SEMA6D: variants seen among roughly 807,000 people sequenced by gnomAD.
SEMA6D encodes the protein semaphorin-6D.
In SEMA6D, 35 loss-of-function variants were observed where a neutral mutation model predicts 106.6. The observed-to-expected ratio is 0.33, with a 90% confidence interval of 0.25 to 0.44. SEMA6D has a LOEUF of 0.44. Among genes scored for constraint, SEMA6D ranks in the 20% least tolerant of loss-of-function variants. The probability of loss-of-function intolerance (pLI) is 1.00; values close to 1 mark genes in which losing one functional copy is unlikely to be tolerated. For missense variants in SEMA6D, 1,185 were observed against 1,345.9 expected, an observed-to-expected ratio of 0.88 and a Z score of 1.87; for synonymous variants, 499 against 487.7, an observed-to-expected ratio of 1.02 and a Z score of -0.31.
At chr15:47,630,209 G>A (rs1041884510) in intron 4 of SEMA6D, among the ~76,000 whole-genome samples, 18 of 151,782 alleles carry the variant, frequency 1.2e-4, no homozygotes, top group Admixed American at 9.9e-4. Context: ...ATCCTTGCCA[G>A]CATCTGTTAT....
At chr15:47,361,537 A>T (rs1720195927) in intron 1 of SEMA6D, among the ~76,000 whole-genome samples, 1 of 152,208 alleles carries the variant, frequency 6.6e-6, no homozygotes, top group African/African-American at 2.4e-5. Flanking sequence ...TTCAGCTCAA[A>T]TCTAAGTAAG....
chr15:47,416,122 C>T (rs1447160238), intron 2 of SEMA6D, among the ~76,000 whole-genome samples: 1 of 152,066 alleles, frequency 6.6e-6, no homozygotes, highest in Non-Finnish European at 1.5e-5. Flanking sequence ...CACACCATGC[C>T]AAGGTCACCA....
intron 1 of SEMA6D, among the ~76,000 whole-genome samples, chr15:47,319,742 G>C (rs540437873): frequency 6.6e-6 from 1 of 152,054 alleles, no homozygotes; most frequent in East Asian, 1.9e-4. Context: ...TCCCTTTCTC[G>C]TCTTCCTGCT....
chr15:47,646,429 T>C (rs2077584054), intron 4 of SEMA6D, among the ~76,000 whole-genome samples: 1 of 152,158 alleles, frequency 6.6e-6, no homozygotes, highest in African/African-American at 2.4e-5. Flanking sequence ...AATATCTCCA[T>C]TTTTAAATAA....
intron 1 of SEMA6D, among the ~76,000 whole-genome samples, chr15:47,405,111 G>A (rs2040519134): frequency 6.6e-6 from 1 of 152,128 alleles, no homozygotes; most frequent in Non-Finnish European, 1.5e-5. Flanking sequence ...AAGTGTTTCA[G>A]GAGATGCGCC....
intron 1 of SEMA6D, among the ~76,000 whole-genome samples, chr15:47,734,923 A>T (rs1054055266): frequency 4.6e-5 from 7 of 152,218 alleles, no homozygotes; most frequent in Admixed American, 2.6e-4. Flanking sequence ...GGTTTTTAAA[A>T]TATAAAATCA....
chr15:47,346,716 C>T (rs1272529218), intron 1 of SEMA6D, among the ~76,000 whole-genome samples: 1 of 151,950 alleles, frequency 6.6e-6, no homozygotes, highest in East Asian at 1.9e-4. Context: ...ATCTTTTCAT[C>T]TAAGAATGGT....
In SEMA6D at chr15:47,773,890, G is replaced by A. The variant is rs1281412323; in HGVS notation, c.*2105G>A. On this transcript the variant is annotated 3_prime_UTR_variant, in exon 19 of 19. Transcript: ENST00000536845. ...AGAACAGTAACTCTATGTGACCCCA[G>A]ATAACATTTTGTAACATTGTGCTTC... The A allele has an allele frequency of 6.6e-6, 1 of 152,594 alleles. No homozygotes were observed. Among genetic ancestry groups the A allele is most frequent in the Non-Finnish European group, 1.5e-5 (1 of 68,016 alleles). The allele number at this position is 152,594 out of a possible 1,614,324, so 9.5% of individuals were successfully genotyped here. A position where few individuals can be genotyped will look rare whatever the true frequency, so the allele number is the denominator to read the frequency against.
chr15:47,460,422 C>T (rs1451634052), intron 2 of SEMA6D, among the ~76,000 whole-genome samples: 2 of 152,068 alleles, frequency 1.3e-5, no homozygotes, highest in East Asian at 3.9e-4. Context: ...TCCGAGAAAT[C>T]ATCTTGCTGA....
chr15:47,570,045 G>C (rs2046339907), intron 3 of SEMA6D, among the ~76,000 whole-genome samples: 1 of 151,006 alleles, frequency 6.6e-6, no homozygotes, highest in African/African-American at 2.4e-5. Flanking sequence ...CCGGGCAACA[G>C]AGGGAGACTC....
chr15:47,653,482 A>ATGCCTCTAGTGT, intron 4 of SEMA6D, among the ~76,000 whole-genome samples: 1 of 152,348 alleles, frequency 6.6e-6, no homozygotes, highest in Admixed American at 6.5e-5. Context: ...AACAGAGCTG[A>ATGCCTCTAGTGT]TGCCTCTAGT....
intron 1 of SEMA6D, among the ~76,000 whole-genome samples, chr15:47,188,051 G>A (rs1179637715): frequency 6.6e-6 from 1 of 152,156 alleles, no homozygotes; most frequent in East Asian, 1.9e-4. Context: ...CATTTGAATG[G>A]TGGCTTTAAT....
chr15:47,676,738 A>C (rs2078253458), intron 4 of SEMA6D, among the ~76,000 whole-genome samples: 1 of 151,878 alleles, frequency 6.6e-6, no homozygotes, highest in East Asian at 1.9e-4. Flanking sequence ...AAAACAAACC[A>C]CCCCAACACA....
At chr15:47,644,669 A>G (rs2077548734) in intron 4 of SEMA6D, among the ~76,000 whole-genome samples, 1 of 152,204 alleles carries the variant, frequency 6.6e-6, no homozygotes, top group African/African-American at 2.4e-5. Context: ...CTCGCCAGAC[A>G]CCAAATGCCA....
intron 1 of SEMA6D, among the ~76,000 whole-genome samples, chr15:47,216,989 T>C (rs1256203597): frequency 2.0e-5 from 3 of 152,168 alleles, no homozygotes; most frequent in Non-Finnish European, 4.4e-5. Flanking sequence ...TGGGAAGTGA[T>C]TAGGTCATGA....
intron 4 of SEMA6D, among the ~76,000 whole-genome samples, chr15:47,609,108 T>C (rs1349866042): frequency 6.6e-6 from 1 of 152,172 alleles, no homozygotes; most frequent in Admixed American, 6.5e-5. Flanking sequence ...ACTGTCAGAC[T>C]TGGGACATTT....
At chr15:47,644,823 C>T (rs544387124) in intron 4 of SEMA6D, among the ~76,000 whole-genome samples, 32 of 152,284 alleles carry the variant, frequency 2.1e-4, no homozygotes, top group African/African-American at 7.2e-4. Flanking sequence ...TTTATACTGG[C>T]GGGTCTTAGA....
chr15:47,262,300 A>G (rs1032175761), intron 1 of SEMA6D, among the ~76,000 whole-genome samples: 3 of 152,144 alleles, frequency 2.0e-5, no homozygotes, highest in African/African-American at 7.2e-5. Context: ...CTATTAAACT[A>G]TCTATTAGTC....
chr15:47,729,630 G>C (rs892388580), intron 1 of SEMA6D, among the ~76,000 whole-genome samples: 1 of 152,168 alleles, frequency 6.6e-6, no homozygotes, highest in Non-Finnish European at 1.5e-5. Flanking sequence ...TCCATTTCCA[G>C]CCTGTGAGGA....
Sources: gnomAD v4.1 joint callset for allele counts (sites outside exome capture counted in the v4.1 genomes callset) on GRCh38, gnomAD v4.1.1 for gene constraint, MANE v1.5 for transcripts, NCBI Gene and HGNC (gene_info 2026-07-23, HGNC 2026-07-21) for gene names.